Variants in SLC35D2 observed in about 807,000 individuals in gnomAD.
The protein encoded by SLC35D2 is nucleotide sugar transporter SLC35D2.
Under a neutral mutation model 41.8 loss-of-function variants are expected in SLC35D2, and 43 were observed. The ratio of observed to expected loss-of-function variants is 1.03; its 90% CI spans 0.81 to 1.33. The LOEUF (loss-of-function observed/expected upper bound fraction) is 1.33, where lower values mean the gene tolerates loss of function less well. SLC35D2 is among the 40% of genes most tolerant of loss of function. The pLI, the probability that SLC35D2 is intolerant of heterozygous loss-of-function variation, is 0.00. For missense variants in SLC35D2, 380 were observed against 408.4 expected (o/e 0.93, Z 0.60); for synonymous variants, 150 against 163.9 (o/e 0.92, Z 0.65).
rs905932359 is a variant in SLC35D2 at position 96,324,149 on chromosome 9, G to A, written c.773C>T (p.Thr258Met). Reference sequence around the variant, plus strand: ...TGAATTGTAATAGCTGCACAGAACCGTGGAGTACATCAGCAGAAACCTGTG... The same window carrying A: ...TGAATTGTAATAGCTGCACAGAACCATGGAGTACATCAGCAGAAACCTGTG... ...CFLGFLLMYS[T>M]VLCSYYNSAL... The change falls in exon 10 of 12, where the codon ACG becomes ATG. Residue 258 changes from threonine (T) to methionine (M), a missense_variant. Physicochemically the swap from Thr to Met is moderately conservative, Grantham distance 81. Transcript: ENST00000253270. The A allele has an allele frequency of 7.4e-6, 12 of 1,613,604 alleles. No homozygotes were observed. The highest frequency in any genetic ancestry group is 2.7e-5 in the African/African-American group (2 of 74,918).
At position 96,358,105 on chromosome 9, in the gene SLC35D2, T is replaced by TATATATATATATAC. The variant is rs546410635; in HGVS notation, c.347+2048_347+2049insGTATATATATATAT. On this transcript the variant is annotated intron_variant, in intron 4 of 11. Coordinates refer to ENST00000253270, the MANE Select transcript of SLC35D2 (RefSeq NM_007001.3). Reference sequence around the variant, plus strand: ...TTATATATATATATATATATATATATATACCTGCAATGGAATATTAATCAG... The same window carrying TATATATATATATAC: ...TTATATATATATATATATATATATATATATATATATATACATACCTGCAATGGAATATTAATCAG... 5.4e-4 allele frequency among the ~76,000 whole-genome samples: 77 copies of TATATATATATATAC among 143,500 alleles called. No homozygotes were observed. The Middle Eastern group carries it at 0.011, about 20-fold the overall frequency. 94.1% of individuals were successfully genotyped at this position (143,500 alleles called of 152,430 possible). A position where few individuals can be genotyped will look rare whatever the true frequency, so the allele number is the denominator to read the frequency against.
At chr9:96,323,025 T>C (rs963398641) in intron 10 of SLC35D2, among the ~76,000 whole-genome samples, 1 of 147,210 alleles carries the variant, frequency 6.8e-6, no homozygotes, top group Non-Finnish European at 1.5e-5. Flanking sequence ...GGTTTTTCTT[T>C]TTTTTTTTTT....
chr9:96,330,878 C>CA (rs1443270206), intron 9 of SLC35D2, among the ~76,000 whole-genome samples: 2 of 152,158 alleles, frequency 1.3e-5, no homozygotes, highest in Non-Finnish European at 2.9e-5. Flanking sequence ...CACCCTAAAA[C>CA]AGAGTTCTGC....
chr9:96,383,333 G>A, intron 1 of SLC35D2, 144 bp downstream of exon 1: 1 of 498,570 alleles, frequency 2.0e-6, no homozygotes, highest in Non-Finnish European at 3.3e-6. Flanking sequence ...TCTGGAGGGC[G>A]CCTGGGAAAC....
intron 10 of SLC35D2, among the ~76,000 whole-genome samples, chr9:96,323,387 C>T (rs1271415842): frequency 6.6e-6 from 1 of 152,122 alleles, no homozygotes; most frequent in African/African-American, 2.4e-5. Context: ...CTCATGATCT[C>T]ACCACACAGC....
intron 8 of SLC35D2, among the ~76,000 whole-genome samples, chr9:96,340,985 G>T (rs1179972389): frequency 6.6e-6 from 1 of 152,094 alleles, no homozygotes; most frequent in Non-Finnish European, 1.5e-5. Context: ...AGAGCATTAG[G>T]ATTTAATAAA....
At chr9:96,324,700 A>G (rs1460614019) in intron 9 of SLC35D2, among the ~76,000 whole-genome samples, 1 of 151,942 alleles carries the variant, frequency 6.6e-6, no homozygotes, top group Non-Finnish European at 1.5e-5. Flanking sequence ...CTACAGGCTC[A>G]TGCCGCCATA....
At chr9:96,370,996 T>C (rs1277566265) in intron 1 of SLC35D2, among the ~76,000 whole-genome samples, 1 of 152,138 alleles carries the variant, frequency 6.6e-6, no homozygotes, top group Non-Finnish European at 1.5e-5. Context: ...GACCAACACC[T>C]GAGGTGATCA....
intron 4 of SLC35D2, among the ~76,000 whole-genome samples, chr9:96,355,678 G>T (rs966771467): frequency 6.6e-6 from 1 of 151,758 alleles, no homozygotes; most frequent in Non-Finnish European, 1.5e-5. Context: ...TGTATTTTTA[G>T]TAGAGATGGG....
At chr9:96,330,705 A>C (rs762924274) in intron 9 of SLC35D2, among the ~76,000 whole-genome samples, 24 of 152,128 alleles carry the variant, frequency 1.6e-4, no homozygotes, top group Non-Finnish European at 3.2e-4. Context: ...CCAAACTCAC[A>C]ATGCCAAAGG....
At chr9:96,369,173 G>A (rs531668271) in intron 1 of SLC35D2, among the ~76,000 whole-genome samples, 10 of 152,142 alleles carry the variant, frequency 6.6e-5, no homozygotes, top group East Asian at 1.9e-4. Flanking sequence ...GTAATGAATC[G>A]CTACATAGTG....
chr9:96,363,384 A>G (rs945425712), intron 3 of SLC35D2, among the ~76,000 whole-genome samples: 1 of 152,168 alleles, frequency 6.6e-6, no homozygotes, highest in African/African-American at 2.4e-5. Context: ...CATTTTTCCA[A>G]GCACTAGAGA....
At chr9:96,335,531 T>C (rs1238864414) in intron 9 of SLC35D2, among the ~76,000 whole-genome samples, 1 of 152,102 alleles carries the variant, frequency 6.6e-6, no homozygotes, top group Admixed American at 6.5e-5. Flanking sequence ...AGCTAATTTT[T>C]GTATTTTTAG....
Position 96,380,762 on chromosome 9 carries a change from C to T in SLC35D2, c.158+2715G>A, listed in dbSNP as rs112205535. ...TGCTGGGATTACAGGTGTGAGCCAC[C>T]GCGCCCGGCCTTTTTTTTTTATCCT... On this transcript the variant is annotated intron_variant, in intron 1 of 11. Transcript: ENST00000253270. Among the ~76,000 whole-genome samples the T allele has an allele frequency of 2.6e-3, 396 of 152,078 alleles. 1 individual carries two copies. The highest frequency in any genetic ancestry group is 9.0e-3 in the African/African-American group (374 of 41,504).
intron 2 of SLC35D2, among the ~76,000 whole-genome samples, 156 bp downstream of exon 2, chr9:96,368,116 C>T (rs1426064546): frequency 6.6e-6 from 1 of 152,200 alleles, no homozygotes. Context: ...AAATAAGTGT[C>T]AATATGTCCT....
chr9:96,335,780 G>A (rs1001901847), intron 9 of SLC35D2, among the ~76,000 whole-genome samples: 7 of 152,056 alleles, frequency 4.6e-5, no homozygotes, highest in South Asian at 4.2e-4. Context: ...GGGGCCAGGC[G>A]CGGTGGCTCA....
chr9:96,363,720 G>T (rs1247945275), intron 3 of SLC35D2, among the ~76,000 whole-genome samples: 1 of 152,198 alleles, frequency 6.6e-6, no homozygotes, highest in East Asian at 1.9e-4. Flanking sequence ...ACAGAAATCA[G>T]TAAACTAGAG....
At chr9:96,332,604 C>A (rs1227857096) in intron 9 of SLC35D2, among the ~76,000 whole-genome samples, 4 of 151,984 alleles carry the variant, frequency 2.6e-5, no homozygotes, top group African/African-American at 4.8e-5. Context: ...CAAGGTGAAA[C>A]CCTGTCTCTG....
chr9:96,381,427 T>C (rs1831193317), intron 1 of SLC35D2, among the ~76,000 whole-genome samples: 7 of 152,094 alleles, frequency 4.6e-5, no homozygotes, highest in Admixed American at 3.9e-4. Flanking sequence ...ATTCAAACTC[T>C]TCACTCCTCC....
Sources: gnomAD v4.1 joint callset for allele counts (sites outside exome capture counted in the v4.1 genomes callset) on GRCh38, gnomAD v4.1.1 for gene constraint, MANE v1.5 for transcripts, NCBI Gene and HGNC (gene_info 2026-07-23, HGNC 2026-07-21) for gene names.